WSCD1: variants seen among roughly 807,000 people sequenced by gnomAD.
WSCD1 encodes the protein WSC domain sialate O sulfotransferase 1.
WSCD1 carries 41 observed loss-of-function variants against 60.4 expected under a neutral mutation model. The observed-to-expected ratio is 0.68, with a 90% CI of 0.53 to 0.88. WSCD1 has a LOEUF of 0.88. Among genes scored for constraint, WSCD1 ranks in the 40% least tolerant of loss-of-function variants. The pLI, the probability that WSCD1 is intolerant of heterozygous loss-of-function variation, is 0.00. For synonymous variants in WSCD1, 361 were observed against 332.5 expected (o/e 1.09, Z -0.93); for missense variants, 784 against 796.2 (o/e 0.98, Z 0.18).
rs756890069 is a variant in WSCD1 at position 6,120,481 on chromosome 17, G to A, written c.1548G>A (p.Arg516=). 1.9e-6 allele frequency: 3 copies of A among 1,614,002 alleles called. No homozygotes were observed. Among genetic ancestry groups the A allele is most frequent in the Middle Eastern group, 1.6e-4 (1 of 6,062 alleles). ...TCAACGTGTCTGTGAGCGAGGAGCG[G>A]CTGCTCTGCGTGGAGAACAACAAGG... The part of the protein sequence containing the change: ...AFLNVSVSEE[R]LLCVENNKEG... The change falls in exon 9 of 9, where the codon CGG becomes CGA. Residue 516 remains arginine, a synonymous_variant. Coordinates refer to ENST00000317744, the MANE Select transcript of WSCD1 (RefSeq NM_015253.2).
chr17:6,107,791 G>T (rs190234428), intron 5 of WSCD1, among the ~76,000 whole-genome samples: 2 of 152,294 alleles, frequency 1.3e-5, no homozygotes, highest in East Asian at 3.9e-4. Flanking sequence ...TCTTGAAGTT[G>T]CCTTTCATGA....
intron 5 of WSCD1, among the ~76,000 whole-genome samples, chr17:6,103,490 T>C (rs1474517144): frequency 6.6e-6 from 1 of 152,166 alleles, no homozygotes; most frequent in Non-Finnish European, 1.5e-5. Context: ...AGGGATGGTG[T>C]TACCTGGGGT....
chr17:6,086,705 G>A (rs1461444490), intron 2 of WSCD1, among the ~76,000 whole-genome samples: 1 of 152,026 alleles, frequency 6.6e-6, no homozygotes, highest in Non-Finnish European at 1.5e-5. Flanking sequence ...GTCACTCCCC[G>A]ATTCAGGCCC....
intron 3 of WSCD1, among the ~76,000 whole-genome samples, 182 bp downstream of exon 3, chr17:6,088,286 G>C (rs75991248): frequency 0.024 from 3,631 of 152,174 alleles, 143 homozygotes; most frequent in African/African-American, 0.081. Context: ...CCGGGAGCTG[G>C]GTGCTGGGTG....
chr17:6,091,826 C>T (rs907119711), intron 4 of WSCD1, among the ~76,000 whole-genome samples: 3 of 152,048 alleles, frequency 2.0e-5, no homozygotes, highest in Admixed American at 1.3e-4. Flanking sequence ...GGAGAGCTGA[C>T]GGATTAGTTC....
intron 2 of WSCD1, among the ~76,000 whole-genome samples, chr17:6,081,618 C>A (rs55812667): frequency 0.043 from 6,534 of 151,582 alleles, 484 homozygotes; most frequent in African/African-American, 0.15. Flanking sequence ...GGCTGAGGTA[C>A]CAGAATCGCT....
At chr17:6,076,034 C>T (rs1051616820) in intron 1 of WSCD1, among the ~76,000 whole-genome samples, 8 of 152,186 alleles carry the variant, frequency 5.3e-5, no homozygotes, top group African/African-American at 1.4e-4. Flanking sequence ...CTGACAGAGG[C>T]GCACTAAACT....
chr17:6,106,029 T>G (rs535128332), intron 5 of WSCD1, among the ~76,000 whole-genome samples: 4 of 152,238 alleles, frequency 2.6e-5, no homozygotes, highest in African/African-American at 9.6e-5. Context: ...TGCTTCTTCA[T>G]TCATTCACTC....
chr17:6,091,634 T>C (rs73974665), intron 4 of WSCD1, among the ~76,000 whole-genome samples: 7,430 of 152,286 alleles, frequency 0.049, 339 homozygotes, highest in African/African-American at 0.12. Context: ...AATAGGGCTG[T>C]GCACTGTTGC....
chr17:6,074,294 C>A (rs1382263735), intron 1 of WSCD1, among the ~76,000 whole-genome samples: 1 of 152,202 alleles, frequency 6.6e-6, no homozygotes, highest in African/African-American at 2.4e-5. Context: ...CCTTGTTCCC[C>A]CAAAGGGCCC....
intron 1 of WSCD1, among the ~76,000 whole-genome samples, chr17:6,073,097 T>G (rs1883924914): frequency 6.6e-6 from 1 of 152,194 alleles, no homozygotes; most frequent in African/African-American, 2.4e-5. Context: ...GACAAGGATG[T>G]GCAGCAGGCT....
At chr17:6,102,236 C>G (rs541460802) in intron 5 of WSCD1, among the ~76,000 whole-genome samples, 2 of 152,212 alleles carry the variant, frequency 1.3e-5, no homozygotes, top group Admixed American at 6.5e-5. Context: ...TAATATGGAA[C>G]CTGTTTGTTC....
chr17:6,090,570 C>A (rs1353284263), intron 4 of WSCD1, 65 bp downstream of exon 4: 1 of 1,568,436 alleles, frequency 6.4e-7, no homozygotes, highest in African/African-American at 1.4e-5. Context: ...TGCCCATCCC[C>A]CACAACCTCT....
At chr17:6,070,141 C>T (rs1370862688), upstream of WSCD1, among the ~76,000 whole-genome samples, 2 of 136,404 alleles carry the variant, frequency 1.5e-5, no homozygotes, top group African/African-American at 5.7e-5. Flanking sequence ...AAGGCTGTGG[C>T]TCTGGGTGAC....
At chr17:6,107,775 G>A (rs1470827343) in intron 5 of WSCD1, among the ~76,000 whole-genome samples, 1 of 152,152 alleles carries the variant, frequency 6.6e-6, no homozygotes, top group Non-Finnish European at 1.5e-5. Context: ...GGCCGGAGGT[G>A]GCAATTCTTG....
rs1489231418 is a variant in WSCD1 at position 6,101,547 on chromosome 17, G to A, written c.849+6324G>A. Among the ~76,000 whole-genome samples, 1 of 152,178 alleles carries A rather than the reference G, an allele frequency of 6.6e-6. No individual in the cohort carries two copies. The highest frequency in any genetic ancestry group is 1.5e-5 in the Non-Finnish European group (1 of 68,026). On this transcript the variant is annotated intron_variant, in intron 5 of 8. Transcript: ENST00000317744. The surrounding 1 kb of genome is among the most constrained non-coding windows in gnomAD (Gnocchi z 4.1). ...ACTGTTTTTGCTAGTTCGCGAAAAT[G>A]GATTTGGGGAGATCCAAGAGTGTAG...
At chr17:6,087,921 C>G (rs1423868744) in intron 2 of WSCD1, 69 bp from the exon 3 acceptor site, 2 of 1,341,810 alleles carry the variant, frequency 1.5e-6, no homozygotes, top group African/African-American at 2.9e-5. Context: ...AGAGGTTCCC[C>G]TGGCTTTTCC....
At chr17:6,094,908 G>A (rs892294884) in intron 4 of WSCD1, among the ~76,000 whole-genome samples, 194 bp from the exon 5 acceptor site, 1 of 152,166 alleles carries the variant, frequency 6.6e-6, no homozygotes, top group African/African-American at 2.4e-5. Context: ...GACGGTCAAG[G>A]TGCTGATGCC....
Position 6,117,988 on chromosome 17 carries a change from G to T in WSCD1, c.1175G>T (p.Gly392Val). 6.2e-7 allele frequency: 1 copy of T among 1,613,356 alleles called. No homozygotes were observed. Among genetic ancestry groups the T allele is most frequent in the South Asian group, 1.1e-5 (1 of 91,018 alleles). ...YYFDGTLYNK[G>V]FKGEKDHWRS... ...GAGACCCTCTCATTTTTCCCTGCAG[G>T]GTTCAAGGGCGAAAAGGACCACTGG... The change falls in exon 8 of 9, where the codon GGG becomes GTG. Residue 392 changes from glycine (G) to valine (V), a missense_variant and splice_region_variant. Physicochemically the swap from Gly to Val is moderately radical, Grantham distance 109 (BLOSUM62 -3). Transcript: ENST00000317744.
Sources: allele counts gnomAD v4.1 joint callset (sites outside exome capture counted in the v4.1 genomes callset), GRCh38; gene constraint gnomAD v4.1.1; non-coding constraint Gnocchi (gnomAD v3.1); transcripts MANE v1.5; gene names NCBI Gene and HGNC (gene_info 2026-07-23, HGNC 2026-07-21).